Variants in STAG1 observed in about 807,000 individuals in gnomAD.
The protein encoded by STAG1 is cohesin subunit SA-1.
A neutral mutation model predicts 170.9 loss-of-function variants in STAG1; 26 were observed. That is an observed-to-expected ratio of 0.15 (90% CI 0.11 to 0.21). STAG1 has a LOEUF of 0.21. Ranked by LOEUF, STAG1 falls within the 10% of genes least tolerant of loss-of-function variation. STAG1 has a pLI of 1.00. For missense variants in STAG1, 964 were observed against 1,509.5 expected, an observed-to-expected ratio of 0.64 and a Z score of 5.99; for synonymous variants, 514 against 497.7, an observed-to-expected ratio of 1.03 and a Z score of -0.44.
At chr3:136,742,766 T>C (rs1460210627) in intron 1 of STAG1, among the ~76,000 whole-genome samples, 1 of 149,222 alleles carries the variant, frequency 6.7e-6, no homozygotes, top group Admixed American at 6.7e-5. Flanking sequence ...AAGTAATCCA[T>C]GGGTAAAAGA....
At chr3:136,739,577 T>C (rs568921398) in intron 1 of STAG1, among the ~76,000 whole-genome samples, 4 of 150,812 alleles carry the variant, frequency 2.7e-5, no homozygotes, top group African/African-American at 9.7e-5. Flanking sequence ...CCCAGCACTT[T>C]TGGGAGGTCA....
intron 5 of STAG1, 146 bp downstream of exon 5, chr3:136,568,619 T>C (rs1000321012): frequency 5.6e-5 from 38 of 675,938 alleles, no homozygotes; most frequent in Non-Finnish European, 9.6e-5. Flanking sequence ...TTATATAACT[T>C]ACCAATAATA....
chr3:136,718,074 A>C (rs994155126), intron 1 of STAG1, among the ~76,000 whole-genome samples: 1 of 152,194 alleles, frequency 6.6e-6, no homozygotes, highest in Non-Finnish European at 1.5e-5. Context: ...ACTGTAAAAA[A>C]CCACTCCAAA....
At chr3:136,577,014 T>C (rs1937489532) in intron 4 of STAG1, among the ~76,000 whole-genome samples, 1 of 152,222 alleles carries the variant, frequency 6.6e-6, no homozygotes, top group African/African-American at 2.4e-5. Context: ...CGATGTCATA[T>C]AGTAACTTGG....
chr3:136,703,610 A>G (rs995664781), intron 1 of STAG1, among the ~76,000 whole-genome samples: 1 of 152,208 alleles, frequency 6.6e-6, no homozygotes, highest in Non-Finnish European at 1.5e-5. Flanking sequence ...CCACGAAGAT[A>G]ACAGAACATA....
chr3:136,441,063 C>T (rs544305050), intron 15 of STAG1, among the ~76,000 whole-genome samples: 6 of 139,972 alleles, frequency 4.3e-5, no homozygotes, highest in African/African-American at 1.1e-4. Context: ...GATGAAGTCT[C>T]ACTCTGTTGC....
At chr3:136,672,109 C>T (rs182157227) in intron 1 of STAG1, among the ~76,000 whole-genome samples, 108 of 152,230 alleles carry the variant, frequency 7.1e-4, no homozygotes, top group African/African-American at 2.6e-3. Flanking sequence ...TTACTGTTTA[C>T]CAAAGCAAGG....
At chr3:136,555,021 C>T (rs910901016) in intron 5 of STAG1, among the ~76,000 whole-genome samples, 1 of 150,674 alleles carries the variant, frequency 6.6e-6, no homozygotes, top group Non-Finnish European at 1.5e-5. Context: ...TGAAAAGGGA[C>T]ATCAGTAATT....
intron 1 of STAG1, among the ~76,000 whole-genome samples, chr3:136,696,261 C>T (rs558131522): frequency 1.3e-5 from 2 of 151,794 alleles, no homozygotes; most frequent in South Asian, 2.1e-4. Context: ...TAAGTTTATA[C>T]AAGGTCATTT....
rs1292832636 is a variant in STAG1, at chr3:136,513,068, G to A, written c.676+8145C>T. 3.9e-5 allele frequency among the ~76,000 whole-genome samples: 6 copies of A among 152,230 alleles called. No individual in the cohort carries two copies. The East Asian group carries it at 7.7e-4, about 20-fold the overall frequency. ...ATTTCAAAAAAGGGAGACTTGGGCCGGGTGTAGTGGCCCAAGTGGCGGGGT... is the reference window on the plus strand; with the variant it reads ...ATTTCAAAAAAGGGAGACTTGGGCCAGGTGTAGTGGCCCAAGTGGCGGGGT... On this transcript the variant is annotated intron_variant, in intron 7 of 33. Coordinates refer to ENST00000383202, the MANE Select transcript of STAG1 (RefSeq NM_005862.3).
chr3:136,546,216 A>T (rs1010565842), intron 5 of STAG1, among the ~76,000 whole-genome samples: 3 of 152,212 alleles, frequency 2.0e-5, no homozygotes, highest in African/African-American at 7.2e-5. Context: ...AATGTTGTTC[A>T]CGTAAGACTT....
intron 1 of STAG1, among the ~76,000 whole-genome samples, chr3:136,749,941 C>G (rs1428947072): frequency 1.1e-4 from 16 of 151,210 alleles, no homozygotes; most frequent in African/African-American, 2.4e-5. Context: ...AATATACCCC[C>G]CTAAATAAAG....
At chr3:136,638,901 G>A (rs965393809) in intron 1 of STAG1, among the ~76,000 whole-genome samples, 5 of 151,966 alleles carry the variant, frequency 3.3e-5, no homozygotes, top group Admixed American at 6.6e-5. Context: ...GACTCTGTCC[G>A]TCTCTAAATA....
chr3:136,684,760 A>G (rs1305644658), intron 1 of STAG1, among the ~76,000 whole-genome samples: 4 of 138,524 alleles, frequency 2.9e-5, no homozygotes, highest in African/African-American at 8.4e-5. Flanking sequence ...TGGGCAACAG[A>G]GTGAGACCCT....
At chr3:136,666,768 C>T (rs570523930) in intron 1 of STAG1, among the ~76,000 whole-genome samples, 14 of 150,424 alleles carry the variant, frequency 9.3e-5, no homozygotes, top group East Asian at 7.8e-4. Flanking sequence ...TGCAGTGAGC[C>T]GAGATCACGC....
At chr3:136,406,834 G>A (rs2087498343) in intron 21 of STAG1, among the ~76,000 whole-genome samples, 3 of 136,102 alleles carry the variant, frequency 2.2e-5, no homozygotes, top group Admixed American at 1.5e-4. Context: ...GTTAACTTCC[G>A]TGATTAAAGA....
In STAG1 at chr3:136,632,922, G is replaced by C. The variant is rs1475522221; in HGVS notation, c.-83-1941C>G. Among the ~76,000 whole-genome samples the C allele has an allele frequency of 2.0e-5, 3 of 152,076 alleles. No homozygotes were observed. In the East Asian group the frequency reaches 5.8e-4, roughly 29 times the overall value. On this transcript the variant is annotated intron_variant, in intron 1 of 33. Transcript: ENST00000383202. Reference sequence around the variant, plus strand: ...CCTCTTTTGGGTGCCAATTCTTTAGGTAAATCTATCAGGTTACTGGTTTGA... The same window carrying C: ...CCTCTTTTGGGTGCCAATTCTTTAGCTAAATCTATCAGGTTACTGGTTTGA...
intron 1 of STAG1, among the ~76,000 whole-genome samples, chr3:136,684,668 C>T (rs190544924): frequency 1.4e-3 from 209 of 149,894 alleles, no homozygotes; most frequent in African/African-American, 4.9e-3. Context: ...GGAGAATCAT[C>T]GGGAGATTGA....
At chr3:136,701,494 T>A (rs1247515966) in intron 1 of STAG1, among the ~76,000 whole-genome samples, 2 of 152,106 alleles carry the variant, frequency 1.3e-5, no homozygotes, top group Non-Finnish European at 2.9e-5. Context: ...CTAGAAGTTA[T>A]TGTATCCTAT....
Sources: allele counts gnomAD v4.1 joint callset (sites outside exome capture counted in the v4.1 genomes callset), GRCh38; gene constraint gnomAD v4.1.1; transcripts MANE v1.5; gene names NCBI Gene and HGNC (gene_info 2026-07-23, HGNC 2026-07-21).